PLCD3: variants seen among roughly 807,000 people sequenced by gnomAD.
The protein encoded by PLCD3 is phospholipase C delta 3.
PLCD3 carries 62 observed loss-of-function variants against 82.8 expected under a neutral mutation model. The observed-to-expected ratio is 0.75, with a 90% confidence interval of 0.61 to 0.93. The LOEUF is 0.93. Ranked by LOEUF, PLCD3 falls within the 40% of genes least tolerant of loss-of-function variation. PLCD3 has a pLI of 0.00. For synonymous variants in PLCD3, 478 were observed against 471.8 expected (o/e 1.01, Z -0.17); for missense variants, 1,023 against 1,103.4 (o/e 0.93, Z 1.03).
rs1221798221 is a variant in PLCD3 at position 45,121,270 on chromosome 17, T to C, written c.266A>G (p.Glu89Gly). The part of the protein sequence containing the change: ...WHKERLYRLQ[E>G]DGLSVWFQRR... The stretch of plus-strand genomic sequence containing the variant: ...CTGGAACCACACGCTCAGGCCGTCC[T>C]CCTGCAGCCGGTACAGCCGCTCCTT... Residue 89 changes from glutamate to glycine, a missense_variant, in exon 2 of 15, where the codon GAG (glutamate) becomes GGG (glycine). Coordinates refer to ENST00000619929, the MANE Select transcript of PLCD3 (RefSeq NM_133373.5). The C allele has an allele frequency of 1.3e-6, 2 of 1,590,474 alleles. No homozygotes were observed.
At chr17:45,120,795 G>A in intron 3 of PLCD3, 107 bp downstream of exon 3, 2 of 1,141,490 alleles carry the variant, frequency 1.8e-6, no homozygotes, top group Non-Finnish European at 2.2e-6. Context: ...TGCGCCCTCA[G>A]GACAGGGCCC....
In PLCD3 at chr17:45,132,287, C is replaced by T; in HGVS notation, c.124G>A (p.Gly42Ser). ...GCCCGCAGCCCGGGCCTCTTGGTGC[C>T]GCCATCGGAGGGAGTCGGCGGGGAC... ...LPSPPTPSDG[G>S]TKRPGLRALK... is the part of the protein sequence containing the mutation. The change falls in exon 1 of 15, where the codon GGC becomes AGC. Residue 42 changes from glycine to serine, a missense_variant. Transcript: ENST00000619929. The surrounding 1 kb of genome is among the most constrained non-coding windows in gnomAD (Gnocchi z 4.6). The T allele has an allele frequency of 7.9e-7, 1 of 1,272,916 alleles. No individual in the cohort carries two copies. The highest frequency in any genetic ancestry group is 9.9e-7 in the Non-Finnish European group (1 of 1,008,912). The allele number at this position is 1,272,916 out of a possible 1,614,324, so 78.9% of individuals were successfully genotyped here.
intron 1 of PLCD3, among the ~76,000 whole-genome samples, chr17:45,130,606 G>A (rs1271194412): frequency 6.6e-6 from 1 of 152,154 alleles, no homozygotes; most frequent in Non-Finnish European, 1.5e-5. Flanking sequence ...TCTATCTCCT[G>A]GGAGTTCTGG....
intron 1 of PLCD3, among the ~76,000 whole-genome samples, chr17:45,128,905 G>GC (rs2054400879): frequency 6.6e-6 from 1 of 152,166 alleles, no homozygotes; most frequent in South Asian, 2.1e-4. Context: ...CGGCCAGGAG[G>GC]CCCCCTGCAG....
chr17:45,120,819 C>A, intron 3 of PLCD3, 83 bp downstream of exon 3: 2 of 1,358,702 alleles, frequency 1.5e-6, no homozygotes, highest in East Asian at 2.8e-5. Context: ...CTTCCCTGGG[C>A]GTGGGGGCTC....
rs1421337086 is a variant in PLCD3 at position 45,112,677 on chromosome 17, T to C, written c.2309A>G (p.Lys770Arg). The C allele has an allele frequency of 1.2e-6, 2 of 1,606,744 alleles. No homozygotes were observed. Among genetic ancestry groups the C allele is most frequent in the Non-Finnish European group, 1.7e-6 (2 of 1,177,048 alleles). The change falls in exon 15 of 15, where the codon AAG becomes AGG. Residue 770 changes from lysine to arginine, a missense_variant. Physicochemically the swap from Lys to Arg is conservative, Grantham distance 26. Coordinates refer to ENST00000619929, the MANE Select transcript of PLCD3 (RefSeq NM_133373.5). ...QGYRHIHLLS[K>R]DGASLSPATL... ...GGCTGGTGACAGTGAGGCCCCGTCC[T>C]TGGAAAGCAGGTGTATGTGGCGGTA...
At chr17:45,121,959 CA>C (rs112126121) in intron 1 of PLCD3, among the ~76,000 whole-genome samples, 44 of 137,350 alleles carry the variant, frequency 3.2e-4, no homozygotes, top group Middle Eastern at 8.3e-3. Context: ...TGCGTCTTAA[CA>C]AAAAAAAAAA....
At chr17:45,123,961 C>CA (rs1555610217) in intron 1 of PLCD3, among the ~76,000 whole-genome samples, 5 of 141,260 alleles carry the variant, frequency 3.5e-5, no homozygotes, top group African/African-American at 1.0e-4. Flanking sequence ...ACCAGACCCC[C>CA]CCCCCAACCA....
intron 7 of PLCD3, among the ~76,000 whole-genome samples, chr17:45,117,728 C>T (rs1485730738): frequency 1.3e-5 from 2 of 152,186 alleles, no homozygotes; most frequent in Non-Finnish European, 1.5e-5. Context: ...GTCCTTCCCT[C>T]CCCCAAAGGT....
At chr17:45,116,502 A>T in intron 8 of PLCD3, 130 bp downstream of exon 8, 2 of 1,004,970 alleles carry the variant, frequency 2.0e-6, no homozygotes, top group African/African-American at 1.7e-5. Context: ...TCAGATGAAC[A>T]GAGGAACAGA....
Position 45,132,097 on chromosome 17 carries a change from C to T in PLCD3, c.163+151G>A. ...CCCTCGGATGACCCCAGGTGCGACC[C>T]CCAGCTGGAGGGAGCTGGCCCTCCG... On this transcript the variant is annotated intron_variant, in intron 1 of 14. Coordinates refer to ENST00000619929, the MANE Select transcript of PLCD3 (RefSeq NM_133373.5). The surrounding 1 kb of genome is among the most constrained non-coding windows in gnomAD (Gnocchi z 4.6). 1 of 899,822 alleles carries T rather than the reference C, an allele frequency of 1.1e-6. No individual in the cohort carries two copies. The allele number at this position is 899,822 out of a possible 1,614,324, so 55.7% of individuals were successfully genotyped here.
Position 45,114,288 on chromosome 17 carries a change from T to C in PLCD3, c.1790A>G (p.Tyr597Cys), listed in dbSNP as rs201019272. Residue 597 changes from tyrosine (Y) to cysteine (C), a missense_variant, in exon 11 of 15, where the codon TAC becomes TGC. By Grantham distance (194) the Tyr-to-Cys change is radical. Transcript: ENST00000619929. The stretch of plus-strand genomic sequence containing the variant: ...CGAGTTCCACATCTCCTGGGGACTG[T>C]AGTTGGCTGAGTTCATCCGCAGCCC... ...PLGLRMNSANYSPQEMWNSGC... is the reference protein window; with the variant it reads ...PLGLRMNSANCSPQEMWNSGC... 2.0e-4 allele frequency: 304 copies of C among 1,548,134 alleles called. No individual in the cohort carries two copies. Among genetic ancestry groups the C allele is most frequent in the Middle Eastern group, 3.4e-4 (2 of 5,970 alleles).
chr17:45,109,285 AG>A lies in PLCD3; in HGVS notation c.*3330del, dbSNP rs2054224930. The A allele has an allele frequency of 1.3e-5, 2 of 152,258 alleles. No individual in the cohort carries two copies. Among genetic ancestry groups the A allele is most frequent in the African/African-American group, 4.8e-5 (2 of 41,442 alleles). The allele number at this position is 152,258 out of a possible 1,614,324, so 9.4% of individuals were successfully genotyped here. ...CAACTGGGCTCTCAGCCAGCACCTG[AG>A]CACCTCAGCACAGGAGCCGGCCCAG... is the stretch of plus-strand genomic sequence containing the variant. On this transcript the variant is annotated 3_prime_UTR_variant, in exon 15 of 15. Transcript: ENST00000619929.
intron 11 of PLCD3, 102 bp from the exon 12 acceptor site, chr17:45,113,707 ACTGT>A: frequency 7.2e-7 from 1 of 1,393,546 alleles, no homozygotes. Flanking sequence ...CTGGGGTCCC[ACTGT>A]CTGCTTAGTG....
intron 1 of PLCD3, among the ~76,000 whole-genome samples, chr17:45,128,066 C>G (rs1283644707): frequency 6.6e-6 from 1 of 152,126 alleles, no homozygotes; most frequent in Non-Finnish European, 1.5e-5. Flanking sequence ...AAGACCCTCC[C>G]ACCCTAATCC....
In PLCD3 at chr17:45,112,585, C is replaced by T. The variant is rs771077756; in HGVS notation, c.*31G>A. The T allele has an allele frequency of 8.3e-6, 13 of 1,559,114 alleles. No homozygotes were observed. The highest frequency in any genetic ancestry group is 1.4e-5 in the African/African-American group (1 of 73,742). ...TCTGCAGGGGATGTGGACTGGCACT[C>T]GCAGAACCCCAAGGCGAGTGAGGTG... On this transcript the variant is annotated 3_prime_UTR_variant, in exon 15 of 15. Transcript: ENST00000619929.
In PLCD3 at chr17:45,112,452, C is replaced by T; in HGVS notation, c.*164G>A. 1.4e-6 allele frequency: 1 copy of T among 739,546 alleles called. No homozygotes were observed. The highest frequency in any genetic ancestry group is 2.3e-6 in the Non-Finnish European group (1 of 443,032). The allele number at this position is 739,546 out of a possible 1,614,324, so 45.8% of individuals were successfully genotyped here. A position where few individuals can be genotyped will look rare whatever the true frequency, so the allele number is the denominator to read the frequency against. ...TGTTCTTCAGGAGGGGCCCAGGCAG[C>T]CCTCAGCACCCAGGTGAGACCAGCG... On this transcript the variant is annotated 3_prime_UTR_variant, in exon 15 of 15. Coordinates refer to ENST00000619929, the MANE Select transcript of PLCD3 (RefSeq NM_133373.5).
At chr17:45,116,554 G>A (rs2054293004) in intron 8 of PLCD3, 78 bp downstream of exon 8, 2 of 1,404,990 alleles carry the variant, frequency 1.4e-6, no homozygotes, top group South Asian at 3.0e-5. Flanking sequence ...CTGAGCCACA[G>A]AGGTGGCACG....
intron 1 of PLCD3, among the ~76,000 whole-genome samples, chr17:45,127,913 G>A (rs1399099701): frequency 6.6e-6 from 1 of 152,140 alleles, no homozygotes; most frequent in African/African-American, 2.4e-5. Flanking sequence ...TGCACACAGG[G>A]CTCCACAGGA....
Sources: allele counts gnomAD v4.1 joint callset (sites outside exome capture counted in the v4.1 genomes callset), GRCh38; gene constraint gnomAD v4.1.1; non-coding constraint Gnocchi (gnomAD v3.1); transcripts MANE v1.5; gene names NCBI Gene and HGNC (gene_info 2026-07-23, HGNC 2026-07-21).